FAN1: variants seen among roughly 807,000 people sequenced by gnomAD.
FAN1 encodes FANCD2 and FANCI associated nuclease 1.
Under a neutral mutation model 104.9 loss-of-function variants are expected in FAN1, and 91 were observed. The ratio of observed to expected loss-of-function variants is 0.87; its 90% CI spans 0.73 to 1.03. The LOEUF (loss-of-function observed/expected upper bound fraction) is 1.03, where lower values mean the gene tolerates loss of function less well. Among genes scored for constraint, FAN1 ranks in the 50% least tolerant of loss-of-function variants. The probability of loss-of-function intolerance (pLI) is 0.00; values close to 1 mark genes in which losing one functional copy is unlikely to be tolerated. For synonymous variants in FAN1, 478 were observed against 457.6 expected (o/e 1.04, Z -0.57); for missense variants, 1,263 against 1,239.9 (o/e 1.02, Z -0.28).
chr15:30,919,606 A>G (rs1431565685), intron 6 of FAN1, among the ~76,000 whole-genome samples: 1 of 151,238 alleles, frequency 6.6e-6, no homozygotes, highest in Admixed American at 6.6e-5. Context: ...GGAGAATCAC[A>G]TGAACCTGGG....
intron 13 of FAN1, among the ~76,000 whole-genome samples, chr15:30,934,154 T>C (rs1254451410): frequency 6.6e-6 from 1 of 152,212 alleles, no homozygotes; most frequent in Non-Finnish European, 1.5e-5. Flanking sequence ...GTCTACCCTT[T>C]TATCATTATG....
intron 12 of FAN1, 74 bp downstream of exon 12, chr15:30,929,471 T>C: frequency 8.6e-7 from 1 of 1,162,096 alleles, no homozygotes; most frequent in Non-Finnish European, 1.2e-6. Context: ...TCAGCAACTT[T>C]ATCAAAATAC....
intron 10 of FAN1, chr15:30,927,780 G>A: frequency 2.0e-6 from 2 of 985,842 alleles, no homozygotes; most frequent in Non-Finnish European, 2.4e-6. Flanking sequence ...GACTTGGAGG[G>A]CAGCTGGATG....
At chr15:30,939,644 T>A (rs1210662071) in intron 14 of FAN1, 1 of 872,952 alleles carries the variant, frequency 1.1e-6, no homozygotes, top group Non-Finnish European at 1.3e-6. Context: ...AACAATAAAA[T>A]ACTACAAGAG....
chr15:30,909,690 C>T (rs1408066883), intron 3 of FAN1, among the ~76,000 whole-genome samples: 1 of 152,216 alleles, frequency 6.6e-6, no homozygotes, highest in Non-Finnish European at 1.5e-5. Flanking sequence ...CCACGGCCAC[C>T]CAGCCCTCAG....
intron 5 of FAN1, among the ~76,000 whole-genome samples, chr15:30,917,450 A>G (rs2062219384): frequency 1.3e-5 from 2 of 152,150 alleles, no homozygotes; most frequent in Non-Finnish European, 2.9e-5. Flanking sequence ...AGAATTTGTG[A>G]GCAAACTTTT....
In FAN1 at chr15:30,928,588, T is replaced by C. The variant is rs2062530808; in HGVS notation, c.2524T>C (p.Tyr842His). 2.5e-6 allele frequency: 4 copies of C among 1,613,456 alleles called. No homozygotes were observed. The highest frequency in any genetic ancestry group is 1.7e-6 in the Non-Finnish European group (2 of 1,179,866). The change falls in exon 11 of 15, where the codon TAT becomes CAT. Residue 842 changes from tyrosine (Y) to histidine (H), a missense_variant. Coordinates refer to ENST00000362065, the MANE Select transcript of FAN1 (RefSeq NM_014967.5). ...CGAAGGGTCCACCTTCAGCACCCTG[T>C]ATGGCCTCCTCCTGTGGGACATCAT... Reference protein sequence around the residue: ...HGEGSTFSTLYGLLLWDIIFM... With the variant: ...HGEGSTFSTLHGLLLWDIIFM...
At chr15:30,929,775 T>C (rs1247174171) in intron 12 of FAN1, among the ~76,000 whole-genome samples, 3 of 20,830 alleles carry the variant, frequency 1.4e-4, no homozygotes, top group Non-Finnish European at 1.4e-4. Flanking sequence ...AAATATATAA[T>C]ATATTATATC....
chr15:30,911,699 C>T, intron 4 of FAN1: 3 of 901,516 alleles, frequency 3.3e-6, no homozygotes, highest in South Asian at 5.1e-5. Context: ...CTTTCTTTAT[C>T]TAATTGTATT....
In FAN1 at chr15:30,925,814, C is replaced by T. The variant is rs1319084398; in HGVS notation, c.2363C>T (p.Pro788Leu). 6.2e-7 allele frequency: 1 copy of T among 1,614,192 alleles called. No individual in the cohort carries two copies. Among genetic ancestry groups the T allele is most frequent in the Non-Finnish European group, 8.5e-7 (1 of 1,180,036 alleles). Residue 788 changes from proline (P) to leucine (L), a missense_variant, in exon 10 of 15, where the codon CCA becomes CTA. Physicochemically the swap from Pro to Leu is moderately conservative, Grantham distance 98. Coordinates refer to ENST00000362065, the MANE Select transcript of FAN1 (RefSeq NM_014967.5). ...GTGACCATCACAGGCAGGCTGTGCC[C>T]ACAGCGTGGGATGTGCAAGTCTGTG... The part of the protein sequence containing the change: ...KHVTITGRLC[P>L]QRGMCKSVFV...
intron 14 of FAN1, among the ~76,000 whole-genome samples, chr15:30,938,546 G>A (rs1226764901): frequency 1.3e-5 from 2 of 152,056 alleles, no homozygotes; most frequent in Non-Finnish European, 2.9e-5. Context: ...CAGTCAAATC[G>A]GCTGCTCATC....
chr15:30,928,226 G>A, intron 10 of FAN1: 1 of 1,058,710 alleles, frequency 9.4e-7, no homozygotes, highest in Non-Finnish European at 1.1e-6. Context: ...ACCTGAGGAG[G>A]GTATCTGCCT....
At chr15:30,909,966 C>A (rs2062062375) in intron 3 of FAN1, among the ~76,000 whole-genome samples, 1 of 152,220 alleles carries the variant, frequency 6.6e-6, no homozygotes, top group Non-Finnish European at 1.5e-5. Context: ...AATTGTTACG[C>A]TGGGAGGCTA....
chr15:30,939,541 GTA>G, intron 14 of FAN1: 1 of 971,796 alleles, frequency 1.0e-6, no homozygotes, highest in Non-Finnish European at 1.2e-6. Flanking sequence ...AAAAATAAAA[GTA>G]TTTTACATTT....
chr15:30,922,905 C>T (rs2062368972), intron 8 of FAN1, among the ~76,000 whole-genome samples: 1 of 152,220 alleles, frequency 6.6e-6, no homozygotes, highest in Admixed American at 6.5e-5. Flanking sequence ...TCTAGGGGCA[C>T]TTGGAAGCAC....
Position 30,940,055 on chromosome 15 carries a change from C to T in FAN1, c.*4-1511C>T, listed in dbSNP as rs1261651765. ...AGGTAAAATACAGTTATCTTGAAAA[C>T]ACTTGTTTTAGAAAAGGAAATAAGC... is the stretch of plus-strand genomic sequence containing the variant. On this transcript the variant is annotated intron_variant, in intron 14 of 14. Transcript: ENST00000362065. 4 of 980,710 alleles carry T rather than the reference C, an allele frequency of 4.1e-6. 1 individual carries two copies. In the South Asian group the frequency reaches 1.4e-4, roughly 35 times the overall value. The allele number at this position is 980,710 out of a possible 1,614,324, so 60.8% of individuals were successfully genotyped here.
In FAN1 at chr15:30,922,289, A is replaced by G; in HGVS notation, c.2107A>G (p.Ser703Gly). 2 of 1,614,126 alleles carry G rather than the reference A, an allele frequency of 1.2e-6. No individual in the cohort carries two copies. Among genetic ancestry groups the G allele is most frequent in the South Asian group, 1.1e-5 (1 of 91,038 alleles). The change falls in exon 8 of 15, where the codon AGC (serine) becomes GGC (glycine). Residue 703 changes from serine (S) to glycine (G), a missense_variant. Around this residue, in one of 2 missense-constraint regions of FAN1, gnomAD observed 581 missense variants for 668.8 expected, o/e 0.87. Coordinates refer to ENST00000362065, the MANE Select transcript of FAN1 (RefSeq NM_014967.5). ...GTCTCAGAGAATTTATTGTCCTGAC[A>G]GCAGAGGCCGATGGTGGGATCGACT... ...LLSQRIYCPD[S>G]RGRWWDRLAL...
chr15:30,911,009 C>A, intron 4 of FAN1, 194 bp downstream of exon 4: 1 of 1,282,904 alleles, frequency 7.8e-7, no homozygotes, highest in Non-Finnish European at 9.8e-7. Flanking sequence ...GTCGTAATAC[C>A]GTACTAATTT....
chr15:30,919,781 C>T (rs1413322773), intron 6 of FAN1, among the ~76,000 whole-genome samples: 2 of 151,874 alleles, frequency 1.3e-5, no homozygotes, highest in African/African-American at 4.8e-5. Context: ...AGGTCTTCAT[C>T]CTTGTTGTCT....
Sources: gnomAD v4.1 joint callset for allele counts (sites outside exome capture counted in the v4.1 genomes callset) on GRCh38, gnomAD v4.1.1 for gene constraint, gnomAD v4.1.1 regional missense constraint, MANE v1.5 for transcripts, NCBI Gene and HGNC (gene_info 2026-07-23, HGNC 2026-07-21) for gene names.